Variants in CAMTA1 observed in about 807,000 individuals in gnomAD.
The protein encoded by CAMTA1 is calmodulin-binding transcription activator 1.
In CAMTA1, 27 loss-of-function variants were observed where a neutral mutation model predicts 170.9. The observed-to-expected ratio is 0.16, with a 90% confidence interval of 0.12 to 0.22. The LOEUF (loss-of-function observed/expected upper bound fraction) is 0.22. Ranked by LOEUF, CAMTA1 falls within the 10% of genes least tolerant of loss-of-function variation. The pLI, the probability that CAMTA1 is intolerant of heterozygous loss-of-function variation, is 1.00. For synonymous variants in CAMTA1, 833 were observed against 891.5 expected, an observed-to-expected ratio of 0.93 and a Z score of 1.17; for missense variants, 1,619 against 2,217.2, an observed-to-expected ratio of 0.73 and a Z score of 5.42.
chr1:6,908,982 CAAA>C (rs1192690426), intron 3 of CAMTA1, among the ~76,000 whole-genome samples: 2 of 152,212 alleles, frequency 1.3e-5, no homozygotes, highest in African/African-American at 4.8e-5. Context: ...AGCATCGAAT[CAAA>C]GAATAACATG....
intron 6 of CAMTA1, among the ~76,000 whole-genome samples, chr1:7,516,423 G>A (rs2094287205): frequency 6.6e-6 from 1 of 152,246 alleles, no homozygotes; most frequent in South Asian, 2.1e-4. Flanking sequence ...AGCTGGGGCA[G>A]CCAGGGAGCT....
chr1:6,878,737 G>A (rs937949914), intron 3 of CAMTA1, among the ~76,000 whole-genome samples: 3 of 152,310 alleles, frequency 2.0e-5, no homozygotes, highest in East Asian at 1.9e-4. Flanking sequence ...AGTAAGGGAC[G>A]TGGGCAGATG....
chr1:7,485,150 C>T (rs942221803), intron 6 of CAMTA1, among the ~76,000 whole-genome samples: 1 of 152,184 alleles, frequency 6.6e-6, no homozygotes, highest in Non-Finnish European at 1.5e-5. Flanking sequence ...CATCCCCAGT[C>T]CCCCACCCTT....
intron 18 of CAMTA1, 52 bp downstream of exon 18, chr1:7,746,143 C>T (rs1394597280): frequency 2.5e-6 from 4 of 1,577,760 alleles, no homozygotes; most frequent in Non-Finnish European, 3.5e-6. Context: ...TCAGAGAGGA[C>T]AGATGAAAGT....
In CAMTA1 at chr1:6,814,307, CCTT is replaced by C. The variant is rs1645528995; in HGVS notation, c.46-5871_46-5869del. ...TGCTAGTTGATCATGAAACCCATCT[CCTT>C]CTCTTCCTCCTCTTCCTGGGCATTT... On this transcript the variant is annotated intron_variant, in intron 1 of 22. Transcript: ENST00000303635. 2.6e-5 allele frequency among the ~76,000 whole-genome samples: 4 copies of C among 152,310 alleles called. 1 individual carries two copies. Among genetic ancestry groups the C allele is most frequent in the Admixed American group, 2.6e-4 (4 of 15,308 alleles).
At chr1:7,096,977 A>T (rs1642160327) in intron 4 of CAMTA1, among the ~76,000 whole-genome samples, 1 of 151,940 alleles carries the variant, frequency 6.6e-6, no homozygotes. Context: ...ACAACTGGGG[A>T]GCTGCTGGCT....
intron 3 of CAMTA1, among the ~76,000 whole-genome samples, chr1:6,922,494 C>G (rs1682230437): frequency 6.6e-6 from 1 of 152,176 alleles, no homozygotes; most frequent in African/African-American, 2.4e-5. Context: ...AAGATGCAAG[C>G]ATTTGGGGAC....
In CAMTA1 at chr1:7,307,248, C is replaced by T. The variant is rs1020561837; in HGVS notation, c.438+57622C>T. The stretch of plus-strand genomic sequence containing the variant: ...TTTTAAGAACTGGTTTTCACTAATT[C>T]ATTGCTAGTATATAAAAATACAACT... On this transcript the variant is annotated intron_variant, in intron 5 of 22. Coordinates refer to ENST00000303635, the MANE Select transcript of CAMTA1 (RefSeq NM_015215.4). 3.9e-5 allele frequency among the ~76,000 whole-genome samples: 6 copies of T among 152,038 alleles called. 1 individual carries two copies. The highest frequency in any genetic ancestry group is 2.6e-4 in the Admixed American group (4 of 15,282).
chr1:7,588,394 C>T lies in CAMTA1; in HGVS notation c.511-52006C>T, dbSNP rs1385971946. On this transcript the variant is annotated intron_variant, in intron 6 of 22. Coordinates refer to ENST00000303635, the MANE Select transcript of CAMTA1 (RefSeq NM_015215.4). The surrounding 1 kb of genome is among the most constrained non-coding windows in gnomAD (Gnocchi z 5.8). ...GGATGGTCCGGGCGGGGGATGGCCC[C>T]AGGGGCTCAGGAGGCCCTGGGCTTC... Among the ~76,000 whole-genome samples the T allele has an allele frequency of 6.6e-6, 1 of 152,214 alleles. No homozygotes were observed. The highest frequency in any genetic ancestry group is 1.5e-5 in the Non-Finnish European group (1 of 68,042).
Position 7,414,596 on chromosome 1 carries a change from G to A in CAMTA1, c.439-53234G>A, listed in dbSNP as rs577098433. ...GGTATTTTGTATTTCTGTGGGATCG[G>A]TGGTGATATCCCCTTTATCATTTTT... On this transcript the variant is annotated intron_variant, in intron 5 of 22. Coordinates refer to ENST00000303635, the MANE Select transcript of CAMTA1 (RefSeq NM_015215.4). Among the ~76,000 whole-genome samples, 206 of 152,212 alleles carry A rather than the reference G, an allele frequency of 1.4e-3. 1 individual carries two copies. The highest frequency in any genetic ancestry group is 4.7e-3 in the African/African-American group (195 of 41,532).
intron 3 of CAMTA1, among the ~76,000 whole-genome samples, chr1:6,963,983 G>C (rs894726147): frequency 6.6e-6 from 1 of 152,116 alleles, no homozygotes; most frequent in Admixed American, 6.5e-5. Flanking sequence ...AGCGTCCTGG[G>C]TGCCCAGATA....
intron 4 of CAMTA1, among the ~76,000 whole-genome samples, chr1:7,100,428 C>T (rs1642578947): frequency 6.6e-6 from 1 of 152,174 alleles, no homozygotes; most frequent in African/African-American, 2.4e-5. Context: ...GACCCACTCC[C>T]CTTGTTTTCT....
intron 6 of CAMTA1, among the ~76,000 whole-genome samples, chr1:7,549,975 C>T (rs1214291737): frequency 6.6e-6 from 1 of 151,788 alleles, no homozygotes; most frequent in African/African-American, 2.4e-5. Flanking sequence ...CTCTGGTGCT[C>T]GGAGGAGGAG....
chr1:6,879,910 A>G (rs1294878386), intron 3 of CAMTA1, among the ~76,000 whole-genome samples: 1 of 151,740 alleles, frequency 6.6e-6, no homozygotes, highest in Non-Finnish European at 1.5e-5. Context: ...TACAGGTATA[A>G]GCCACCATGC....
intron 3 of CAMTA1, among the ~76,000 whole-genome samples, chr1:7,091,091 C>T (rs556195809): frequency 5.3e-5 from 8 of 152,128 alleles, no homozygotes; most frequent in African/African-American, 1.4e-4. Context: ...TTTTGAGGCC[C>T]AGTGCTTTGA....
chr1:7,289,183 C>T (rs1268040407), intron 5 of CAMTA1, among the ~76,000 whole-genome samples: 1 of 152,148 alleles, frequency 6.6e-6, no homozygotes, highest in African/African-American at 2.4e-5. Context: ...GATCCAATCA[C>T]CTCCCACCAG....
In CAMTA1 at chr1:7,306,804, G is replaced by A. The variant is rs1211438676; in HGVS notation, c.438+57178G>A. 3.3e-5 allele frequency among the ~76,000 whole-genome samples: 5 copies of A among 151,814 alleles called. No homozygotes were observed. In the East Asian group the frequency reaches 7.7e-4, roughly 23 times the overall value. On this transcript the variant is annotated intron_variant, in intron 5 of 22. Transcript: ENST00000303635. ...CAGCTCTCCATATCTCAGATTCTAC[G>A]TTGGTGGATTGAACCAACAGTGGAT...
At chr1:7,127,139 T>G (rs1644982429) in intron 4 of CAMTA1, among the ~76,000 whole-genome samples, 1 of 150,080 alleles carries the variant, frequency 6.7e-6, no homozygotes, top group African/African-American at 2.5e-5. Flanking sequence ...CCCGCAGACG[T>G]GGGGCTAGCC....
rs1020520013 is a variant in CAMTA1, at chr1:7,463,476, C to T, written c.439-4354C>T. Among the ~76,000 whole-genome samples, 2 of 150,048 alleles carry T rather than the reference C, an allele frequency of 1.3e-5. No individual in the cohort carries two copies. Among genetic ancestry groups the T allele is most frequent in the Admixed American group, 6.6e-5 (1 of 15,072 alleles). The stretch of plus-strand genomic sequence containing the variant: ...GGAGAGAGACAGAGAGAGGACAAGA[C>T]AGCTGCAGAGATGGAGAGAGAGAGA... On this transcript the variant is annotated intron_variant, in intron 5 of 22. Transcript: ENST00000303635. The surrounding 1 kb of genome is among the most constrained non-coding windows in gnomAD (Gnocchi z 4.7).
Sources: gnomAD v4.1 joint callset for allele counts (sites outside exome capture counted in the v4.1 genomes callset) on GRCh38, gnomAD v4.1.1 for gene constraint, Gnocchi (gnomAD v3.1) non-coding constraint, MANE v1.5 for transcripts, NCBI Gene and HGNC (gene_info 2026-07-23, HGNC 2026-07-21) for gene names.